Variants in CALN1 observed in about 807,000 individuals in gnomAD.
CALN1 encodes the protein calcium-binding protein 8.
In CALN1, 17 loss-of-function variants were observed where a neutral mutation model predicts 30.6. That is an observed-to-expected ratio of 0.56 (90% CI 0.38 to 0.83). The LOEUF (loss-of-function observed/expected upper bound fraction) is 0.83. Ranked by LOEUF, CALN1 falls within the 40% of genes least tolerant of loss-of-function variation. CALN1 has a pLI of 0.00. For synonymous variants in CALN1, 156 were observed against 131.4 expected, an observed-to-expected ratio of 1.19 and a Z score of -1.28; for missense variants, 291 against 354.9, an observed-to-expected ratio of 0.82 and a Z score of 1.45.
intron 5 of CALN1, among the ~76,000 whole-genome samples, chr7:71,849,051 T>C (rs1790486407): frequency 6.6e-6 from 1 of 152,226 alleles, no homozygotes; most frequent in African/African-American, 2.4e-5. Context: ...GTTTGTTTTT[T>C]CCTTCTGGAT....
chr7:71,924,303 T>C (rs1181000905), intron 5 of CALN1, among the ~76,000 whole-genome samples: 7 of 149,464 alleles, frequency 4.7e-5, no homozygotes, highest in African/African-American at 9.8e-5. Context: ...CTTTTTGCAG[T>C]GACTGGTGGA....
chr7:71,808,138 T>C (rs1235942805), intron 6 of CALN1, among the ~76,000 whole-genome samples: 8 of 152,040 alleles, frequency 5.3e-5, no homozygotes, highest in Admixed American at 5.3e-4. Context: ...AATGGTTAGG[T>C]ACCTAACCAT....
the CALN1 span, among the ~76,000 whole-genome samples, chr7:72,480,420 TAG>T: frequency 6.6e-6 from 1 of 152,238 alleles, no homozygotes; most frequent in Non-Finnish European, 1.5e-5. Flanking sequence ...AAAATTTGTT[TAG>T]AATTTTTGCA....
At chr7:72,404,147 AGTT>A (rs974422490) in intron 1 of CALN1, among the ~76,000 whole-genome samples, 32 of 152,224 alleles carry the variant, frequency 2.1e-4, no homozygotes, top group African/African-American at 7.5e-4. Context: ...TCTTCTGAAA[AGTT>A]GTCCTTGACC....
chr7:72,102,471 T>C lies in CALN1; in HGVS notation c.388+3680A>G, dbSNP rs79618617. ...CGCAAATTTTAAAAACACTACAAAG[T>C]TGTATTTTTTCCAGTGAGGTTGTAT... On this transcript the variant is annotated intron_variant, in intron 4 of 6. Coordinates refer to ENST00000395275, the MANE Select transcript of CALN1 (RefSeq NM_031468.4). Among the ~76,000 whole-genome samples, 1,505 of 152,122 alleles carry C rather than the reference T, an allele frequency of 9.9e-3. 17 individuals carry two copies. Among genetic ancestry groups the C allele is most frequent in the African/African-American group, 0.032 (1,325 of 41,498 alleles).
intron 5 of CALN1, among the ~76,000 whole-genome samples, chr7:71,960,434 TTC>T (rs1219875135): frequency 6.6e-6 from 1 of 152,168 alleles, no homozygotes; most frequent in Admixed American, 6.5e-5. Context: ...GTATTTGACT[TTC>T]TGTTTCTGAG....
intron 2 of CALN1, among the ~76,000 whole-genome samples, chr7:72,363,740 T>TC (rs1803707736): frequency 1.3e-5 from 2 of 150,318 alleles, no homozygotes; most frequent in East Asian, 3.9e-4. Flanking sequence ...TTTTTTTTTT[T>TC]TTTTGAGAGG....
intron 4 of CALN1, among the ~76,000 whole-genome samples, chr7:72,028,058 CAAAAAA>C (rs34092922): frequency 1.2e-5 from 1 of 82,870 alleles, no homozygotes; most frequent in African/African-American, 3.4e-5. Context: ...GACTCCGTCT[CAAAAAA>C]AAAAAAAAAA....
In CALN1 at chr7:72,027,927, C is replaced by T. The variant is rs1449917183; in HGVS notation, c.389-4158G>A. Among the ~76,000 whole-genome samples, 12 of 151,596 alleles carry T rather than the reference C, an allele frequency of 7.9e-5. 1 individual carries two copies. Among genetic ancestry groups the T allele is most frequent in the South Asian group, 2.1e-4 (1 of 4,778 alleles). On this transcript the variant is annotated intron_variant, in intron 4 of 6. Transcript: ENST00000395275. ...CAAAAAAATTAGCCGGGCGTGGTGG[C>T]GGGCGCCTGTAGTCCCAGCTACGTG...
At chr7:72,021,813 A>G (rs561709037) in intron 5 of CALN1, among the ~76,000 whole-genome samples, 1 of 152,300 alleles carries the variant, frequency 6.6e-6, no homozygotes, top group Admixed American at 6.5e-5. Flanking sequence ...TCAGCTGTGC[A>G]TAGACTTCCT....
At chr7:71,813,202 A>G (rs1788066919) in intron 5 of CALN1, among the ~76,000 whole-genome samples, 1 of 151,502 alleles carries the variant, frequency 6.6e-6, no homozygotes, top group South Asian at 2.1e-4. Flanking sequence ...TGTGCACCAC[A>G]CCTGGCTAAT....
At chr7:72,302,528 C>A (rs1799345061) in intron 2 of CALN1, among the ~76,000 whole-genome samples, 1 of 151,982 alleles carries the variant, frequency 6.6e-6, no homozygotes, top group South Asian at 2.1e-4. Context: ...GGCTCAGGCC[C>A]ATCATCCCAG....
intron 5 of CALN1, among the ~76,000 whole-genome samples, chr7:71,912,005 G>A (rs2117005650): frequency 6.6e-6 from 1 of 151,972 alleles, no homozygotes; most frequent in Non-Finnish European, 1.5e-5. Context: ...TATGGTCAGG[G>A]GGCAGTCTCT....
intron 2 of CALN1, among the ~76,000 whole-genome samples, chr7:72,389,512 C>T (rs1377786657): frequency 6.6e-6 from 1 of 152,228 alleles, no homozygotes; most frequent in Non-Finnish European, 1.5e-5. Context: ...ATTTTGCAAG[C>T]TTTCACTGCC....
intron 3 of CALN1, among the ~76,000 whole-genome samples, chr7:72,114,387 T>A (rs777358045): frequency 7.4e-5 from 11 of 149,024 alleles, no homozygotes; most frequent in Non-Finnish European, 1.6e-4. Context: ...TGGAGGGAAG[T>A]GAGGTTTGGC....
At chr7:72,167,988 G>C (rs1788649342) in intron 3 of CALN1, among the ~76,000 whole-genome samples, 1 of 152,150 alleles carries the variant, frequency 6.6e-6, no homozygotes, top group Admixed American at 6.5e-5. Context: ...CTCTCAACAA[G>C]CTTATACAGT....
At chr7:71,805,478 C>CT (rs1787551714) in intron 6 of CALN1, among the ~76,000 whole-genome samples, 1 of 152,258 alleles carries the variant, frequency 6.6e-6, no homozygotes, top group East Asian at 1.9e-4. Flanking sequence ...CATCTTGGCC[C>CT]TTCACAGTTA....
chr7:72,455,331 G>A, the CALN1 span, among the ~76,000 whole-genome samples: 9 of 134,234 alleles, frequency 6.7e-5, no homozygotes, highest in African/African-American at 2.2e-4. Context: ...ATGTGTGTGT[G>A]TGTGTGTGTG....
chr7:72,244,649 A>G (rs1795048601), intron 3 of CALN1, among the ~76,000 whole-genome samples: 1 of 151,090 alleles, frequency 6.6e-6, no homozygotes, highest in African/African-American at 2.4e-5. Context: ...TCCATAAAGG[A>G]TGTGGCAATT....
Sources: allele counts gnomAD v4.1 joint callset (sites outside exome capture counted in the v4.1 genomes callset), GRCh38; gene constraint gnomAD v4.1.1; transcripts MANE v1.5; gene names NCBI Gene and HGNC (gene_info 2026-07-23, HGNC 2026-07-21).